DCDC2: variants seen among roughly 807,000 people sequenced by gnomAD.
DCDC2 encodes the protein doublecortin domain-containing protein 2.
DCDC2 carries 40 observed loss-of-function variants against 50.2 expected under a neutral mutation model. That is an observed-to-expected ratio of 0.80 (90% CI 0.62 to 1.04). The LOEUF (loss-of-function observed/expected upper bound fraction) is 1.04, where lower values mean the gene tolerates loss of function less well. Among genes scored for constraint, DCDC2 ranks in the 50% least tolerant of loss-of-function variants. DCDC2 has a pLI of 0.00. For synonymous variants in DCDC2, 234 were observed against 210.6 expected (o/e 1.11, Z -0.96); for missense variants, 570 against 581.9 (o/e 0.98, Z 0.21).
chr6:24,212,370 C>T (rs1016419123), intron 7 of DCDC2, among the ~76,000 whole-genome samples: 18 of 152,282 alleles, frequency 1.2e-4, no homozygotes, highest in Admixed American at 1.0e-3. Context: ...CTCTGCTCCT[C>T]CTGCCAAAAA....
chr6:24,381,840 A>C, the DCDC2 span, among the ~76,000 whole-genome samples: 1 of 147,014 alleles, frequency 6.8e-6, no homozygotes, highest in African/African-American at 2.5e-5. Context: ...GGAAGGAAGG[A>C]AGGAAGGAAG....
chr6:24,273,009 T>TAC (rs60162257), intron 7 of DCDC2, among the ~76,000 whole-genome samples: 5,160 of 149,402 alleles, frequency 0.035, 137 homozygotes, highest in African/African-American at 0.075. Context: ...TATAAAGACA[T>TAC]ACACACACAC....
chr6:24,218,115 T>G (rs1011641442), intron 7 of DCDC2, among the ~76,000 whole-genome samples: 3 of 152,126 alleles, frequency 2.0e-5, no homozygotes, highest in African/African-American at 4.8e-5. Flanking sequence ...CAAACACAAC[T>G]TTTGTACTCA....
chr6:24,179,796 T>G (rs1429764221), intron 8 of DCDC2, among the ~76,000 whole-genome samples: 1 of 148,048 alleles, frequency 6.8e-6, no homozygotes, highest in Admixed American at 6.8e-5. Context: ...CTACTAAAAA[T>G]ACAAAAAATT....
rs76799425 is a variant in DCDC2, at chr6:24,223,298, C to T, written c.923-18196G>A. Among the ~76,000 whole-genome samples, 1,469 of 152,278 alleles carry T rather than the reference C, an allele frequency of 9.6e-3. 12 individuals carry two copies. The highest frequency in any genetic ancestry group is 0.019 in the African/African-American group (793 of 41,552). ...ATTTTAGAACTAGATGATGAAACCA[C>T]GTGCAATTTTATGGTGTGGTCACAA... On this transcript the variant is annotated intron_variant, in intron 7 of 9. Coordinates refer to ENST00000378454, the MANE Select transcript of DCDC2 (RefSeq NM_016356.5).
chr6:24,288,944 G>A (rs1425934203), intron 5 of DCDC2, 38 bp from the exon 6 acceptor site: 3 of 1,486,320 alleles, frequency 2.0e-6, no homozygotes, highest in East Asian at 2.3e-5. Context: ...TCTGAATGTT[G>A]TTTACAAATA....
chr6:24,255,648 T>G (rs1290937267), intron 7 of DCDC2, among the ~76,000 whole-genome samples: 1 of 152,120 alleles, frequency 6.6e-6, no homozygotes, highest in Non-Finnish European at 1.5e-5. Flanking sequence ...GGAGCTTTAC[T>G]AAAAAGCACC....
intron 2 of DCDC2, among the ~76,000 whole-genome samples, chr6:24,353,052 G>A (rs793720): frequency 0.55 from 84,129 of 152,110 alleles, 25,358 homozygotes; most frequent in East Asian, 0.8. Flanking sequence ...CTTCACATAA[G>A]CTTTCACGAA....
chr6:24,220,879 A>AGAGCGAGCGAGTGAGC (rs111880904), intron 7 of DCDC2, among the ~76,000 whole-genome samples: 2 of 106,978 alleles, frequency 1.9e-5, no homozygotes, highest in East Asian at 5.2e-4. Context: ...CAAGAGAGCG[A>AGAGCGAGCGAGTGAGC]GAGCGAGAGA....
At chr6:24,367,653 C>T in the DCDC2 span, among the ~76,000 whole-genome samples, 374 of 152,272 alleles carry the variant, frequency 2.5e-3, 4 homozygotes, top group African/African-American at 8.6e-3. Context: ...TGGAATTGTT[C>T]TCAGATGGCT....
At chr6:24,361,973 A>G (rs1323152033), upstream of DCDC2, among the ~76,000 whole-genome samples, 2 of 152,142 alleles carry the variant, frequency 1.3e-5, no homozygotes, top group Non-Finnish European at 2.9e-5. Flanking sequence ...GCATTTGCCA[A>G]TCTCTGTAGT....
intron 8 of DCDC2, among the ~76,000 whole-genome samples, chr6:24,181,430 G>T (rs1465501985): frequency 6.6e-6 from 1 of 152,150 alleles, no homozygotes. Context: ...GACACTTGAG[G>T]TGATAAGGAG....
intron 7 of DCDC2, among the ~76,000 whole-genome samples, chr6:24,265,391 G>T (rs1763097540): frequency 6.6e-6 from 1 of 152,030 alleles, no homozygotes; most frequent in African/African-American, 2.4e-5. Flanking sequence ...AGAAACACTG[G>T]ACTTATTATG....
chr6:24,342,980 G>A (rs1050666581), intron 2 of DCDC2, among the ~76,000 whole-genome samples: 2 of 151,270 alleles, frequency 1.3e-5, no homozygotes, highest in Admixed American at 1.3e-4. Context: ...TGTCATTTCT[G>A]ATTGGCACGT....
At chr6:24,310,242 A>G (rs1389756378) in intron 2 of DCDC2, among the ~76,000 whole-genome samples, 2 of 152,184 alleles carry the variant, frequency 1.3e-5, no homozygotes, top group Non-Finnish European at 2.9e-5. Flanking sequence ...TTTTTCTAGT[A>G]TTGTGCTCTT....
At position 24,178,396 on chromosome 6, in the gene DCDC2, A is replaced by G. The variant is rs1561878592; in HGVS notation, c.1260T>C (p.Asn420=). The change falls in exon 9 of 10, where the codon AAT becomes AAC. Residue 420 remains asparagine, a synonymous_variant. Transcript: ENST00000378454. Reference sequence around the variant, plus strand: ...TGTCTAGGACCAGTTGAAGCTCATTATTAACCTGCTGCAGCTCCTCACCAT... The same window carrying G: ...TGTCTAGGACCAGTTGAAGCTCATTGTTAACCTGCTGCAGCTCCTCACCAT... ...EENGEELQQV[N]NELQLVLDKE... The G allele has an allele frequency of 6.2e-7, 1 of 1,614,198 alleles. No homozygotes were observed. The highest frequency in any genetic ancestry group is 8.5e-7 in the Non-Finnish European group (1 of 1,180,038).
At chr6:24,242,120 G>C (rs1762574458) in intron 7 of DCDC2, among the ~76,000 whole-genome samples, 1 of 152,152 alleles carries the variant, frequency 6.6e-6, no homozygotes, top group African/African-American at 2.4e-5. Flanking sequence ...GCTGTCATGA[G>C]CTATGATTGC....
chr6:24,302,145 TC>T (rs1205262915), intron 2 of DCDC2, 101 bp from the exon 3 acceptor site: 1 of 988,002 alleles, frequency 1.0e-6, no homozygotes, highest in African/African-American at 1.6e-5. Flanking sequence ...GCCTGAGACT[TC>T]CTGTGCCTTT....
At chr6:24,281,210 A>G (rs1763461846) in intron 6 of DCDC2, among the ~76,000 whole-genome samples, 1 of 152,156 alleles carries the variant, frequency 6.6e-6, no homozygotes, top group South Asian at 2.1e-4. Context: ...TAATGCATAG[A>G]TTTTGCAGTT....
Sources: allele counts gnomAD v4.1 joint callset (sites outside exome capture counted in the v4.1 genomes callset), GRCh38; gene constraint gnomAD v4.1.1; transcripts MANE v1.5; gene names NCBI Gene and HGNC (gene_info 2026-07-23, HGNC 2026-07-21).